RPH3A: variants seen among roughly 807,000 people sequenced by gnomAD.
RPH3A encodes the protein rabphilin 3A.
In RPH3A, 48 loss-of-function variants were observed where a neutral mutation model predicts 102.2. The ratio of observed to expected loss-of-function variants is 0.47; its 90% CI spans 0.37 to 0.60. The LOEUF (loss-of-function observed/expected upper bound fraction) is 0.60, where lower values mean the gene tolerates loss of function less well. RPH3A is among the 20% of genes least tolerant of loss of function. The pLI, the probability that RPH3A is intolerant of heterozygous loss-of-function variation, is 0.00. For synonymous variants in RPH3A, 310 were observed against 324.3 expected (o/e 0.96, Z 0.47); for missense variants, 781 against 910.1 (o/e 0.86, Z 1.83).
intron 1 of RPH3A, among the ~76,000 whole-genome samples, chr12:112,680,269 C>T (rs1413929474): frequency 6.6e-6 from 1 of 152,058 alleles, no homozygotes; most frequent in African/African-American, 2.4e-5. Context: ...GCTTTGGGTC[C>T]CAAAAGATCA....
chr12:112,796,767 T>C (rs780156190), intron 2 of RPH3A, among the ~76,000 whole-genome samples: 47 of 152,196 alleles, frequency 3.1e-4, no homozygotes, highest in Non-Finnish European at 6.0e-4. Context: ...GACACAGTCC[T>C]GGCCCGGTGG....
At position 112,791,908 on chromosome 12, in the gene RPH3A, C is replaced by CGAGAG. The variant is rs1248184954; in HGVS notation, c.-244_-243insGAGAG. 3 of 14,988 alleles carry CGAGAG rather than the reference C, an allele frequency of 2.0e-4. No individual in the cohort carries two copies. The highest frequency in any genetic ancestry group is 3.2e-4 in the African/African-American group (1 of 3,158). The allele number at this position is 14,988 out of a possible 1,614,324, so 0.9% of individuals were successfully genotyped here. Reference sequence around the variant, plus strand: ...AGAGAGAGAGAGAGAGAGAGAGACTCACAGAGCTAAAACCTTCATCCATGT... The same window carrying CGAGAG: ...AGAGAGAGAGAGAGAGAGAGAGACTCGAGAGACAGAGCTAAAACCTTCATCCATGT... On this transcript the variant is annotated 5_prime_UTR_variant, in exon 1 of 22. Coordinates refer to ENST00000389385, the MANE Select transcript of RPH3A (RefSeq NM_001143854.2).
chr12:112,787,729 A>T (rs2041061189), upstream of RPH3A, among the ~76,000 whole-genome samples: 1 of 152,208 alleles, frequency 6.6e-6, no homozygotes, highest in Non-Finnish European at 1.5e-5. Flanking sequence ...AACAGAAATG[A>T]AACCATTATC....
intron 2 of RPH3A, among the ~76,000 whole-genome samples, chr12:112,822,685 G>A (rs1446078792): frequency 6.6e-6 from 1 of 152,192 alleles, no homozygotes; most frequent in Non-Finnish European, 1.5e-5. Flanking sequence ...CTTATTATTA[G>A]ACGTTTAGAT....
intron 2 of RPH3A, among the ~76,000 whole-genome samples, chr12:112,824,824 C>T (rs996839885): frequency 6.6e-6 from 1 of 152,120 alleles, no homozygotes; most frequent in Non-Finnish European, 1.5e-5. Context: ...CCCTGGTGTG[C>T]GTGACTGAAC....
intron 5 of RPH3A, among the ~76,000 whole-genome samples, chr12:112,863,294 G>T (rs919403650): frequency 6.6e-6 from 1 of 152,186 alleles, no homozygotes; most frequent in African/African-American, 2.4e-5. Context: ...AGGGTCATGC[G>T]TATGAAGCAT....
intron 1 of RPH3A, among the ~76,000 whole-genome samples, chr12:112,593,329 A>G (rs967920657): frequency 6.6e-6 from 1 of 152,226 alleles, no homozygotes; most frequent in Non-Finnish European, 1.5e-5. Context: ...AATTTATTAT[A>G]GCTGCCAGAG....
chr12:112,675,917 A>T (rs1386285042), intron 1 of RPH3A, among the ~76,000 whole-genome samples: 1 of 152,152 alleles, frequency 6.6e-6, no homozygotes, highest in East Asian at 1.9e-4. Flanking sequence ...GAAATCAGAG[A>T]TCCAGCCATG....
rs772237822 is a variant in RPH3A at position 112,678,303 on chromosome 12, A to AAGAGAGAG, written c.-140+102992_-140+102999dup. 7.0e-4 allele frequency among the ~76,000 whole-genome samples: 35 copies of AAGAGAGAG among 50,196 alleles called. 6 individuals carry two copies. The highest frequency in any genetic ancestry group is 1.2e-3 in the South Asian group (2 of 1,638). 32.9% of individuals were successfully genotyped at this position (50,196 alleles called of 152,430 possible). The stretch of plus-strand genomic sequence containing the variant: ...AAAGAAAGAAAGAAAGAAAGAAAGA[A>AAGAGAGAG]AGAGAGAGAGAGAGAAAGAAAGAAA... On this transcript the variant is annotated intron_variant, in intron 1 of 21. Coordinates refer to the RPH3A transcript ENST00000543106.
At chr12:112,770,550 C>T (rs891901900) in intron 1 of RPH3A, among the ~76,000 whole-genome samples, 1 of 152,070 alleles carries the variant, frequency 6.6e-6, no homozygotes, top group African/African-American at 2.4e-5. Context: ...TGCCTTGTTG[C>T]CCAGGTTAGA....
At chr12:112,609,881 G>C (rs1324740892) in intron 1 of RPH3A, among the ~76,000 whole-genome samples, 1 of 152,220 alleles carries the variant, frequency 6.6e-6, no homozygotes, top group Non-Finnish European at 1.5e-5. Context: ...TGACAGAGCA[G>C]CTAACGTAGC....
intron 1 of RPH3A, among the ~76,000 whole-genome samples, chr12:112,757,927 C>T (rs749788957): frequency 6.6e-6 from 1 of 152,174 alleles, no homozygotes; most frequent in Non-Finnish European, 1.5e-5. Flanking sequence ...GAGCTAGTAA[C>T]AGCTTGTGTT....
At chr12:112,706,722 G>A (rs1396446710) in intron 1 of RPH3A, among the ~76,000 whole-genome samples, 1 of 152,128 alleles carries the variant, frequency 6.6e-6, no homozygotes, top group Non-Finnish European at 1.5e-5. Flanking sequence ...CTTAAGCCAG[G>A]GATGGGAGAA....
rs535623413 is a variant in RPH3A at position 112,828,352 on chromosome 12, C to T, written c.34C>T (p.Arg12Cys). The T allele has an allele frequency of 1.6e-5, 26 of 1,609,138 alleles. No individual in the cohort carries two copies. The highest frequency in any genetic ancestry group is 1.7e-4 in the Middle Eastern group (1 of 6,050). Residue 12 changes from arginine to cysteine, a missense_variant, in exon 3 of 22, where the codon CGT becomes TGT. By Grantham distance (180) the Arg-to-Cys change is radical. Around this residue, in one of 2 missense-constraint regions of RPH3A, gnomAD observed 730 missense variants for 810.0 expected, o/e 0.90. Coordinates refer to ENST00000389385, the MANE Select transcript of RPH3A (RefSeq NM_001143854.2). The stretch of plus-strand genomic sequence containing the variant: ...CACCGTGTTCAGCAACAGTTCTAAC[C>T]GTTGGATGTACCCCAGTGACCGGCC... ...TDTVFSNSSNRWMYPSDRPLQ... is the reference protein window; with the variant it reads ...TDTVFSNSSNCWMYPSDRPLQ...
intron 4 of RPH3A, among the ~76,000 whole-genome samples, chr12:112,844,703 A>G (rs2042201544): frequency 6.6e-6 from 1 of 152,244 alleles, no homozygotes; most frequent in Admixed American, 6.5e-5. Context: ...GTCTGTCTCT[A>G]TCATCCTGCT....
chr12:112,735,250 G>A (rs1033057395), intron 1 of RPH3A, among the ~76,000 whole-genome samples: 3 of 152,238 alleles, frequency 2.0e-5, no homozygotes, highest in Non-Finnish European at 2.9e-5. Flanking sequence ...GGATTCACTG[G>A]GAGGTTAAAC....
At chr12:112,577,173 T>A (rs747377545) in intron 1 of RPH3A, among the ~76,000 whole-genome samples, 1 of 152,024 alleles carries the variant, frequency 6.6e-6, no homozygotes, top group Non-Finnish European at 1.5e-5. Context: ...TTTAAGAAAA[T>A]AAAGGAATAA....
At chr12:112,890,624 G>T (rs2043077833) in intron 18 of RPH3A, among the ~76,000 whole-genome samples, 1 of 152,200 alleles carries the variant, frequency 6.6e-6, no homozygotes, top group Non-Finnish European at 1.5e-5. Context: ...GTCTGTTTAT[G>T]TCTAAGTCAA....
chr12:112,828,297 C>T lies in RPH3A; in HGVS notation c.-18-4C>T. The T allele has an allele frequency of 6.2e-7, 1 of 1,604,530 alleles. No individual in the cohort carries two copies. ...GATGTCCTCTCTGGATTGATGTTTT[C>T]CAGGAGCACTAGACATCTACTATGA... On this transcript the variant is annotated splice_polypyrimidine_tract_variant and splice_region_variant and intron_variant, in intron 2 of 21. Transcript: ENST00000389385.
Sources: allele counts gnomAD v4.1 joint callset (sites outside exome capture counted in the v4.1 genomes callset), GRCh38; gene constraint gnomAD v4.1.1; regional missense constraint gnomAD v4.1.1; transcripts MANE v1.5; gene names NCBI Gene and HGNC (gene_info 2026-07-23, HGNC 2026-07-21).